The following RAF1 variants were observed in gnomAD, a reference collection of about 807,000 sequenced individuals.
The protein encoded by RAF1 is RAF proto-oncogene serine/threonine-protein kinase.
Under a neutral mutation model 81.1 loss-of-function variants are expected in RAF1, and 27 were observed. That is an observed-to-expected ratio of 0.33 (90% confidence interval 0.25 to 0.46). The LOEUF (loss-of-function observed/expected upper bound fraction) is 0.46, where lower values mean the gene tolerates loss of function less well. Ranked by LOEUF, RAF1 falls within the 20% of genes least tolerant of loss-of-function variation. The pLI is 1.00. For synonymous variants in RAF1, 298 were observed against 294.0 expected, an observed-to-expected ratio of 1.01 and a Z score of -0.14; for missense variants, 598 against 826.0, an observed-to-expected ratio of 0.72 and a Z score of 3.38.
intron 1 of RAF1, among the ~76,000 whole-genome samples, chr3:12,629,359 C>T (rs1445456971): frequency 6.6e-6 from 1 of 152,030 alleles, no homozygotes; most frequent in Non-Finnish European, 1.5e-5. Context: ...ACTCACTAGG[C>T]AACAAGATAT....
chr3:12,612,201 C>G, intron 2 of RAF1, 139 bp from the exon 3 acceptor site: 1 of 706,764 alleles, frequency 1.4e-6, no homozygotes, highest in East Asian at 2.6e-5. Context: ...CCTGAATGTC[C>G]AGCAATAGGA....
intron 1 of RAF1, among the ~76,000 whole-genome samples, chr3:12,635,782 G>A (rs939203905): frequency 1.6e-4 from 24 of 150,896 alleles, no homozygotes; most frequent in Admixed American, 9.9e-4. Context: ...GACCATCCTG[G>A]CTAACACGGT....
intron 6 of RAF1, among the ~76,000 whole-genome samples, chr3:12,604,598 A>G (rs1464990010): frequency 1.3e-5 from 2 of 152,220 alleles, no homozygotes; most frequent in Non-Finnish European, 2.9e-5. Flanking sequence ...CATCTCCAGG[A>G]AAGAACAGAT....
intron 11 of RAF1, among the ~76,000 whole-genome samples, chr3:12,596,134 A>G (rs1340697086): frequency 6.6e-6 from 1 of 151,044 alleles, no homozygotes; most frequent in Non-Finnish European, 1.5e-5. Context: ...CAGCCTCCCA[A>G]AGTGCTAGGG....
intron 1 of RAF1, among the ~76,000 whole-genome samples, chr3:12,654,902 G>A (rs572983577): frequency 1.5e-4 from 23 of 150,770 alleles, no homozygotes; most frequent in African/African-American, 5.3e-4. Flanking sequence ...AGGGCTGGGC[G>A]CAGTGGCTCA....
At position 12,604,056 on chromosome 3, in the gene RAF1, T is replaced by C. The variant is rs1575572790; in HGVS notation, c.834+80A>G. On this transcript the variant is annotated intron_variant, in intron 7 of 17. Transcript: ENST00000442415. The stretch of plus-strand genomic sequence containing the variant: ...TGTTGCAACATTCCTTGATCAGATT[T>C]GAAACCCAAAACTCTGAAATAAGTA... 35 of 1,544,280 alleles carry C rather than the reference T, an allele frequency of 2.3e-5. No homozygotes were observed. The East Asian group carries it at 7.4e-4, about 33-fold the overall frequency.
At chr3:12,643,275 A>G (rs2060247512) in intron 1 of RAF1, among the ~76,000 whole-genome samples, 1 of 152,160 alleles carries the variant, frequency 6.6e-6, no homozygotes, top group Admixed American at 6.5e-5. Flanking sequence ...CAGAGTTCTG[A>G]GCACTAATCC....
At chr3:12,643,247 G>A (rs1486446166) in intron 1 of RAF1, among the ~76,000 whole-genome samples, 2 of 152,106 alleles carry the variant, frequency 1.3e-5, no homozygotes, top group Non-Finnish European at 1.5e-5. Flanking sequence ...AAGGTGTACT[G>A]TATTTCCAGA....
At chr3:12,627,200 A>G (rs759623368) in intron 1 of RAF1, among the ~76,000 whole-genome samples, 1 of 152,180 alleles carries the variant, frequency 6.6e-6, no homozygotes, top group Non-Finnish European at 1.5e-5. Context: ...TAGTGTATTC[A>G]TAATTTATCA....
intron 13 of RAF1, chr3:12,590,106 T>G (rs201780008): frequency 1.4e-5 from 2 of 147,222 alleles, no homozygotes; most frequent in Non-Finnish European, 3.0e-5. Context: ...AGTTTTTAAT[T>G]AAAAAAAAAA....
At chr3:12,641,038 A>G (rs902314448) in intron 1 of RAF1, among the ~76,000 whole-genome samples, 1 of 152,154 alleles carries the variant, frequency 6.6e-6, no homozygotes, top group Non-Finnish European at 1.5e-5. Flanking sequence ...CAGCCATAAA[A>G]AAGGATGAGT....
In RAF1 at chr3:12,600,211, G is replaced by A. The variant is rs770199768; in HGVS notation, c.991C>T (p.Pro331Ser). Residue 331 changes from proline (P) to serine (S), a missense_variant, in exon 10 of 18, where the codon CCC (proline) becomes TCC (serine). By Grantham distance (74) the Pro-to-Ser change is moderately conservative. This residue lies in a region of RAF1 where 194 missense variants were observed against 202.7 expected (regional missense o/e 0.96). Coordinates refer to ENST00000442415, the MANE Select transcript of RAF1 (RefSeq NM_001354689.3). ...GCCCGCTCTCTTTGTGCTGGCACGG[G>A]GGTTTTCGGCTGTGACCAGCCTGTT... The A allele has an allele frequency of 3.7e-6, 6 of 1,614,192 alleles. No individual in the cohort carries two copies. In the Admixed American group the frequency reaches 5.0e-5, roughly 13 times the overall value.
chr3:12,598,679 T>C (rs1206686947), intron 11 of RAF1, among the ~76,000 whole-genome samples: 1 of 141,832 alleles, frequency 7.1e-6, no homozygotes, highest in Non-Finnish European at 1.5e-5. Context: ...TGAGCTGTGA[T>C]TGTGCCACTG....
chr3:12,608,569 C>G lies in RAF1; in HGVS notation c.581+197G>C, dbSNP rs553104128. On this transcript the variant is annotated intron_variant, in intron 5 of 17. Coordinates refer to ENST00000442415, the MANE Select transcript of RAF1 (RefSeq NM_001354689.3). ...GACAGATAACAAGTCCTACTCCTACCTGCTCATTCTGGAGTATGAATGCCA... is the reference window on the plus strand; with the variant it reads ...GACAGATAACAAGTCCTACTCCTACGTGCTCATTCTGGAGTATGAATGCCA... The G allele has an allele frequency of 2.2e-5, 14 of 629,334 alleles. No individual in the cohort carries two copies. In the South Asian group the frequency reaches 2.4e-4, roughly 11 times the overall value. 39.0% of individuals were successfully genotyped at this position (629,334 alleles called of 1,614,324 possible).
chr3:12,606,892 T>C (rs1278904641), intron 5 of RAF1, among the ~76,000 whole-genome samples: 2 of 152,132 alleles, frequency 1.3e-5, no homozygotes, highest in South Asian at 2.1e-4. Context: ...GGTTTCACTA[T>C]GTTGGCCAGG....
chr3:12,644,145 A>G (rs1042911961), intron 1 of RAF1, among the ~76,000 whole-genome samples: 5 of 152,238 alleles, frequency 3.3e-5, no homozygotes, highest in African/African-American at 1.2e-4. Context: ...AGCAGCACAC[A>G]TACAAAGTAC....
chr3:12,636,974 T>C (rs1421296946), intron 1 of RAF1, among the ~76,000 whole-genome samples: 1 of 152,172 alleles, frequency 6.6e-6, no homozygotes. Context: ...CTTGGGCAAC[T>C]CCATGGATCT....
intron 11 of RAF1, among the ~76,000 whole-genome samples, chr3:12,592,290 G>A (rs1388915664): frequency 1.3e-5 from 2 of 152,180 alleles, no homozygotes; most frequent in African/African-American, 4.8e-5. Context: ...GTGTAAGGAA[G>A]CAGGCCATTT....
rs2125394192 is a variant in RAF1, at chr3:12,603,531, T to G, written c.841A>C (p.Asn281His). The change falls in exon 8 of 18, where the codon AAC (asparagine) becomes CAC (histidine). Residue 281 changes from asparagine to histidine, a missense_variant. Asn to His is a moderately conservative substitution (Grantham distance 68). This residue lies in a region of RAF1 where 194 missense variants were observed against 202.7 expected (regional missense o/e 0.96). Transcript: ENST00000442415. Reference sequence around the variant, plus strand: ...CACGCCCTGGGAGAAGCACTCAGGTTGTTATTCTAGTCCAAAGCAATGAGA... The same window carrying G: ...CACGCCCTGGGAGAAGCACTCAGGTGGTTATTCTAGTCCAAAGCAATGAGA... 1.4e-6 allele frequency: 1 copy of G among 701,356 alleles called. No homozygotes were observed. Among genetic ancestry groups the G allele is most frequent in the African/African-American group, 1.7e-5 (1 of 57,332 alleles). The allele number at this position is 701,356 out of a possible 1,614,324, so 43.4% of individuals were successfully genotyped here.
Sources: allele counts gnomAD v4.1 joint callset (sites outside exome capture counted in the v4.1 genomes callset), GRCh38; gene constraint gnomAD v4.1.1; regional missense constraint gnomAD v4.1.1; transcripts MANE v1.5; gene names NCBI Gene and HGNC (gene_info 2026-07-23, HGNC 2026-07-21).